Variants in DENND4C observed in about 807,000 individuals in gnomAD.
The protein encoded by DENND4C is DENN domain-containing protein 4C.
Under a neutral mutation model 203.0 loss-of-function variants are expected in DENND4C, and 108 were observed. The ratio of observed to expected loss-of-function variants is 0.53; its 90% CI spans 0.46 to 0.62. The LOEUF is 0.62. DENND4C is among the 20% of genes least tolerant of loss of function. DENND4C has a pLI of 0.00. For synonymous variants in DENND4C, 871 were observed against 792.4 expected, an observed-to-expected ratio of 1.10 and a Z score of -1.67; for missense variants, 2,481 against 2,301.2, an observed-to-expected ratio of 1.08 and a Z score of -1.60.
intron 30 of DENND4C, among the ~76,000 whole-genome samples, chr9:19,366,561 G>A (rs770135206): frequency 1.3e-5 from 2 of 152,042 alleles, no homozygotes; most frequent in Non-Finnish European, 2.9e-5. Flanking sequence ...CCAAGATTGC[G>A]CCACTGCACT....
In DENND4C at chr9:19,326,057, T is replaced by C; in HGVS notation, c.1990-7T>C. ...CAAATTAATTGGGGAAAAATAATGA[T>C]TTTCAGGTTGATTTTGATTCAGCAG... is the stretch of plus-strand genomic sequence containing the variant. On this transcript the variant is annotated splice_polypyrimidine_tract_variant and splice_region_variant and intron_variant, in intron 14 of 32. Coordinates refer to ENST00000434457, the MANE Select transcript of DENND4C (RefSeq NM_001330640.2). 2 of 1,606,886 alleles carry C rather than the reference T, an allele frequency of 1.2e-6. No homozygotes were observed. Among genetic ancestry groups the C allele is most frequent in the Non-Finnish European group, 1.7e-6 (2 of 1,177,958 alleles).
chr9:19,336,741 G>A lies in DENND4C; in HGVS notation c.2790G>A (p.Val930=), dbSNP rs1160101460. 6.4e-7 allele frequency: 1 copy of A among 1,550,858 alleles called. No individual in the cohort carries two copies. The highest frequency in any genetic ancestry group is 1.4e-5 in the African/African-American group (1 of 73,016). Residue 930 remains valine (V), a synonymous_variant, in exon 20 of 33, where the codon GTG becomes GTA. Coordinates refer to ENST00000434457, the MANE Select transcript of DENND4C (RefSeq NM_001330640.2). ...SDGDTVSHGS[V]DSSNDANNGE... ...GGGACACGGTGAGCCACGGTAGTGT[G>A]GATAGTTCTAATGATGCTAACAATG... is the stretch of plus-strand genomic sequence containing the variant.
In DENND4C at chr9:19,324,449, G is replaced by A. The variant is rs1843384913; in HGVS notation, c.1895G>A (p.Cys632Tyr). The change falls in exon 13 of 33, where the codon TGC becomes TAC. Residue 632 changes from cysteine to tyrosine, a missense_variant. Physicochemically the swap from Cys to Tyr is radical, Grantham distance 194. Coordinates refer to ENST00000434457, the MANE Select transcript of DENND4C (RefSeq NM_001330640.2). ...TQIFIRFIEECSFVSDKDTGL... is the reference protein window; with the variant it reads ...TQIFIRFIEEYSFVSDKDTGL... ...ATTTTTATTCGTTTCATTGAAGAATGCAGTTTTGTAAGTGATAAAGATACT... is the reference window on the plus strand; with the variant it reads ...ATTTTTATTCGTTTCATTGAAGAATACAGTTTTGTAAGTGATAAAGATACT... 1.2e-6 allele frequency: 2 copies of A among 1,612,766 alleles called. No homozygotes were observed. The highest frequency in any genetic ancestry group is 1.1e-5 in the South Asian group (1 of 90,892).
At chr9:19,311,791 G>A (rs1402740426) in intron 10 of DENND4C, among the ~76,000 whole-genome samples, 2 of 152,094 alleles carry the variant, frequency 1.3e-5, no homozygotes, top group African/African-American at 2.4e-5. Context: ...TGCTATTTGA[G>A]GATGATGGGA....
intron 1 of DENND4C, among the ~76,000 whole-genome samples, chr9:19,237,280 G>C (rs1822210554): frequency 6.6e-6 from 1 of 151,938 alleles, no homozygotes. Flanking sequence ...TGGCCTTCCA[G>C]AGTGCTGGGA....
intron 9 of DENND4C, among the ~76,000 whole-genome samples, chr9:19,303,391 A>G (rs1423351259): frequency 6.6e-6 from 1 of 152,274 alleles, no homozygotes; most frequent in Non-Finnish European, 1.5e-5. Context: ...TTGTTTCTAT[A>G]AAGTTTTATT....
chr9:19,258,575 TAAAAG>T (rs567769602), intron 1 of DENND4C, among the ~76,000 whole-genome samples: 2,168 of 152,178 alleles, frequency 0.014, 14 homozygotes, highest in Non-Finnish European at 0.019. Context: ...TATTAACAAA[TAAAAG>T]AAAAGCCATA....
intron 1 of DENND4C, among the ~76,000 whole-genome samples, chr9:19,238,337 C>A (rs1414351199): frequency 6.6e-6 from 1 of 151,798 alleles, no homozygotes; most frequent in African/African-American, 2.4e-5. Context: ...CGGCCTTGGC[C>A]TCCCAAAGTG....
chr9:19,305,264 A>T, intron 9 of DENND4C, 88 bp from the exon 10 acceptor site: 1 of 1,146,026 alleles, frequency 8.7e-7, no homozygotes, highest in Non-Finnish European at 1.2e-6. Context: ...ACTGCTTTTC[A>T]GTGGTCCCTT....
intron 30 of DENND4C, among the ~76,000 whole-genome samples, chr9:19,363,979 A>T (rs1827079098): frequency 6.6e-6 from 1 of 152,114 alleles, no homozygotes; most frequent in Non-Finnish European, 1.5e-5. Context: ...GCGCCGTTGC[A>T]CTCCAGCCTG....
chr9:19,326,601 G>A (rs1349374069), intron 15 of DENND4C, among the ~76,000 whole-genome samples: 2 of 152,122 alleles, frequency 1.3e-5, no homozygotes, highest in African/African-American at 2.4e-5. Context: ...GGATTTGGAT[G>A]TGACTCTTTT....
chr9:19,245,626 G>A (rs988128237), intron 1 of DENND4C, among the ~76,000 whole-genome samples: 3 of 152,128 alleles, frequency 2.0e-5, no homozygotes, highest in African/African-American at 7.2e-5. Flanking sequence ...GAAGGCCGAG[G>A]CGGGTGGATC....
intron 22 of DENND4C, among the ~76,000 whole-genome samples, chr9:19,345,423 T>C (rs1822652895): frequency 1.3e-5 from 2 of 152,240 alleles, no homozygotes; most frequent in Admixed American, 1.3e-4. Flanking sequence ...ACCACTCAGA[T>C]TTTATCAGCC....
rs74919862 is a variant in DENND4C, at chr9:19,246,346, C to T, written c.-18+15513C>T. ...CCACACATATCTATTGTGCCTACAC[C>T]ATTGCTGTGTCTGCTTGTCCTTCTA... On this transcript the variant is annotated intron_variant, in intron 1 of 32. Transcript: ENST00000434457. 4.0e-3 allele frequency among the ~76,000 whole-genome samples: 616 copies of T among 152,270 alleles called. 3 individuals are homozygous for T. Among genetic ancestry groups the T allele is most frequent in the African/African-American group, 0.014 (594 of 41,554 alleles).
At position 19,290,885 on chromosome 9, in the gene DENND4C, T is replaced by C. The variant is rs748227542; in HGVS notation, c.801+9T>C. On this transcript the variant is annotated intron_variant, in intron 5 of 32. Coordinates refer to ENST00000434457, the MANE Select transcript of DENND4C (RefSeq NM_001330640.2). ...GTTCTTCAGCCAAAAAGGTATGTTTTTGTCTCATTGATTAAACACATTTTG... is the reference window on the plus strand; with the variant it reads ...GTTCTTCAGCCAAAAAGGTATGTTTCTGTCTCATTGATTAAACACATTTTG... 6.2e-6 allele frequency: 10 copies of C among 1,608,356 alleles called. No homozygotes were observed. The highest frequency in any genetic ancestry group is 8.5e-6 in the Non-Finnish European group (10 of 1,177,362).
chr9:19,327,513 A>G (rs1034473882), intron 15 of DENND4C, among the ~76,000 whole-genome samples: 1 of 152,076 alleles, frequency 6.6e-6, no homozygotes, highest in African/African-American at 2.4e-5. Context: ...AAGCAAAGGT[A>G]TTCACAAAGA....
chr9:19,247,363 T>C (rs1188593519), intron 1 of DENND4C, among the ~76,000 whole-genome samples: 1 of 152,232 alleles, frequency 6.6e-6, no homozygotes, highest in Admixed American at 6.5e-5. Context: ...TTGACATGCC[T>C]TGACATCTTC....
intron 12 of DENND4C, among the ~76,000 whole-genome samples, chr9:19,321,900 G>T (rs1346369638): frequency 1.3e-5 from 2 of 151,952 alleles, no homozygotes; most frequent in African/African-American, 2.4e-5. Context: ...ACTGGAAGGG[G>T]CTGGAATCCT....
At chr9:19,332,237 C>T (rs1423165992) in intron 17 of DENND4C, 53 bp downstream of exon 17, 10 of 1,550,164 alleles carry the variant, frequency 6.5e-6, no homozygotes, top group Non-Finnish European at 8.9e-6. Context: ...TTTTGTACTT[C>T]TAATAAAATT....
Sources: gnomAD v4.1 joint callset for allele counts (sites outside exome capture counted in the v4.1 genomes callset) on GRCh38, gnomAD v4.1.1 for gene constraint, MANE v1.5 for transcripts, NCBI Gene and HGNC (gene_info 2026-07-23, HGNC 2026-07-21) for gene names.